The following SCARA5 variants were observed in gnomAD, a reference collection of about 807,000 sequenced individuals.
SCARA5 encodes scavenger receptor class A member 5.
A neutral mutation model predicts 46.3 loss-of-function variants in SCARA5; 45 were observed. The ratio of observed to expected loss-of-function variants is 0.97; its 90% confidence interval spans 0.76 to 1.24. The LOEUF (loss-of-function observed/expected upper bound fraction) is 1.24. Ranked by LOEUF, SCARA5 falls within the 50% of genes most tolerant of loss-of-function variation. SCARA5 has a pLI of 0.00. For synonymous variants in SCARA5, 333 were observed against 306.5 expected, an observed-to-expected ratio of 1.09 and a Z score of -0.90; for missense variants, 680 against 689.0, an observed-to-expected ratio of 0.99 and a Z score of 0.15.
At chr8:27,963,518 C>T (rs1463130337) in intron 3 of SCARA5, among the ~76,000 whole-genome samples, 4 of 152,134 alleles carry the variant, frequency 2.6e-5, no homozygotes, top group Admixed American at 2.0e-4. Context: ...GAAGAGAACC[C>T]AGTGCCAGCA....
chr8:27,922,834 G>A (rs4732789), intron 3 of SCARA5, among the ~76,000 whole-genome samples: 89,991 of 151,988 alleles, frequency 0.59, 27,545 homozygotes, highest in South Asian at 0.73. Context: ...CAGAGCCCTC[G>A]CGTATTAGAT....
intron 2 of SCARA5, among the ~76,000 whole-genome samples, chr8:27,986,392 C>G (rs1808705369): frequency 6.6e-6 from 1 of 152,224 alleles, no homozygotes; most frequent in Non-Finnish European, 1.5e-5. Context: ...CCATGCCAGC[C>G]TCTTCTACTG....
chr8:27,964,592 T>C (rs1310822146), intron 3 of SCARA5, among the ~76,000 whole-genome samples: 4 of 152,196 alleles, frequency 2.6e-5, no homozygotes, highest in Non-Finnish European at 5.9e-5. Context: ...CTGTCCTTTA[T>C]TTTGAATGGA....
chr8:27,895,643 A>G (rs1807052567), intron 7 of SCARA5, among the ~76,000 whole-genome samples: 1 of 152,238 alleles, frequency 6.6e-6, no homozygotes, highest in Non-Finnish European at 1.5e-5. Flanking sequence ...GACTCTCTCC[A>G]GGTCACATGA....
At chr8:27,883,068 C>G (rs1234765182) in intron 7 of SCARA5, among the ~76,000 whole-genome samples, 2 of 152,244 alleles carry the variant, frequency 1.3e-5, no homozygotes, top group Non-Finnish European at 2.9e-5. Flanking sequence ...CAATGTGGGT[C>G]TGTTCCCCCT....
intron 4 of SCARA5, among the ~76,000 whole-genome samples, chr8:27,919,504 C>T (rs1194459310): frequency 6.6e-6 from 1 of 152,098 alleles, no homozygotes; most frequent in Non-Finnish European, 1.5e-5. Context: ...CCTTGTCAAC[C>T]TGGGTCCACC....
At chr8:27,894,098 G>A (rs902375224) in intron 7 of SCARA5, among the ~76,000 whole-genome samples, 14 of 152,250 alleles carry the variant, frequency 9.2e-5, no homozygotes, top group Non-Finnish European at 1.5e-5. Context: ...ATCTACTGAG[G>A]TCCCGTCGTG....
chr8:27,910,746 T>G (rs1807360037), intron 4 of SCARA5, among the ~76,000 whole-genome samples: 1 of 152,034 alleles, frequency 6.6e-6, no homozygotes, highest in South Asian at 2.1e-4. Flanking sequence ...CTGACTTTGG[T>G]GAAAGTTGGG....
At chr8:27,877,854 T>A (rs1437456178) in intron 8 of SCARA5, among the ~76,000 whole-genome samples, 2 of 152,202 alleles carry the variant, frequency 1.3e-5, no homozygotes, top group Admixed American at 1.3e-4. Flanking sequence ...TTCAGTCAAT[T>A]ACCAATGAGA....
At chr8:27,904,858 A>C (rs1182055054) in intron 6 of SCARA5, 24 bp from the exon 7 acceptor site, 2 of 1,572,732 alleles carry the variant, frequency 1.3e-6, no homozygotes, top group Admixed American at 3.6e-5. Context: ...GGAAACTGGC[A>C]TTAGAAATGG....
At chr8:27,889,663 A>G (rs940501452) in intron 7 of SCARA5, among the ~76,000 whole-genome samples, 1 of 152,218 alleles carries the variant, frequency 6.6e-6, no homozygotes, top group Non-Finnish European at 1.5e-5. Context: ...ATGAAAAACA[A>G]TTACTTTAAC....
At chr8:27,912,132 C>G (rs1039466119) in intron 4 of SCARA5, among the ~76,000 whole-genome samples, 1 of 152,136 alleles carries the variant, frequency 6.6e-6, no homozygotes, top group South Asian at 2.1e-4. Context: ...GTTAAACCAC[C>G]AAGTTTATGA....
At chr8:27,884,147 G>A (rs1463626421) in intron 7 of SCARA5, among the ~76,000 whole-genome samples, 1 of 152,168 alleles carries the variant, frequency 6.6e-6, no homozygotes, top group East Asian at 1.9e-4. Flanking sequence ...CACCAGGGAT[G>A]CCTCCTCTCG....
intron 8 of SCARA5, among the ~76,000 whole-genome samples, chr8:27,873,964 C>T (rs1308565975): frequency 1.3e-5 from 2 of 152,184 alleles, no homozygotes; most frequent in African/African-American, 2.4e-5. Context: ...GCAGGAGAAT[C>T]GCTTGAACCC....
chr8:27,945,461 A>T (rs1457286437), intron 3 of SCARA5, among the ~76,000 whole-genome samples: 1 of 152,198 alleles, frequency 6.6e-6, no homozygotes, highest in Admixed American at 6.5e-5. Flanking sequence ...TTTCAGCCTT[A>T]TTTTGGGTTC....
At chr8:27,989,095 T>C (rs1015290443) in intron 1 of SCARA5, among the ~76,000 whole-genome samples, 5 of 150,606 alleles carry the variant, frequency 3.3e-5, no homozygotes, top group African/African-American at 1.2e-4. Flanking sequence ...TTCCGTATTT[T>C]CTTTCTTCTT....
At chr8:27,873,776 C>T (rs1806680225) in intron 8 of SCARA5, among the ~76,000 whole-genome samples, 1 of 152,302 alleles carries the variant, frequency 6.6e-6, no homozygotes, top group African/African-American at 2.4e-5. Flanking sequence ...AATCTCAGCA[C>T]TTTGGGAGGC....
rs141069755 is a variant in SCARA5, at chr8:27,923,192, C to T, written c.242-947G>A. 8.1e-4 allele frequency among the ~76,000 whole-genome samples: 124 copies of T among 152,364 alleles called. 1 individual carries two copies. The highest frequency in any genetic ancestry group is 2.9e-3 in the African/African-American group (120 of 41,592). ...GCTTCCCCTCAAGTCAGCTCCAGGA[C>T]TGCCTAAAGGAAGAGCACCCCGGCA... On this transcript the variant is annotated intron_variant, in intron 3 of 8. Transcript: ENST00000354914.
intron 3 of SCARA5, among the ~76,000 whole-genome samples, chr8:27,932,118 T>G (rs953530707): frequency 2.6e-5 from 4 of 152,132 alleles, no homozygotes; most frequent in Non-Finnish European, 5.9e-5. Flanking sequence ...TAGCTGGGAC[T>G]ACAGGCGTGC....
Sources: allele counts gnomAD v4.1 joint callset (sites outside exome capture counted in the v4.1 genomes callset), GRCh38; gene constraint gnomAD v4.1.1; transcripts MANE v1.5; gene names NCBI Gene and HGNC (gene_info 2026-07-23, HGNC 2026-07-21).